ADGRD1: variants seen among roughly 807,000 people sequenced by gnomAD.
ADGRD1 encodes the protein G-protein coupled receptor 133.
In ADGRD1, 77 loss-of-function variants were observed where a neutral mutation model predicts 113.4. The observed-to-expected ratio is 0.68, with a 90% confidence interval of 0.57 to 0.82. ADGRD1 has a LOEUF of 0.82. ADGRD1 is among the 40% of genes least tolerant of loss of function. The pLI is 0.00. For missense variants in ADGRD1, 1,036 were observed against 1,139.1 expected, an observed-to-expected ratio of 0.91 and a Z score of 1.30; for synonymous variants, 474 against 475.0, an observed-to-expected ratio of 1.00 and a Z score of 0.03.
chr12:131,085,217 C>T lies in ADGRD1; in HGVS notation c.1671+554C>T, dbSNP rs187671560. Among the ~76,000 whole-genome samples the T allele has an allele frequency of 1.0e-3, 157 of 152,248 alleles. 1 individual carries two copies. Among genetic ancestry groups the T allele is most frequent in the African/African-American group, 3.6e-3 (151 of 41,538 alleles). On this transcript the variant is annotated intron_variant, in intron 15 of 24. Coordinates refer to ENST00000261654, the MANE Select transcript of ADGRD1 (RefSeq NM_198827.5). ...TGTTCACGGAGTGGTGAGGAGACAG[C>T]GGGGAGCGGGGCGTCTTCACGGAGC...
rs1870982872 is a variant in ADGRD1 at position 130,966,302 on chromosome 12, C to T, written c.104-161C>T. On this transcript the variant is annotated intron_variant, in intron 2 of 24. Coordinates refer to ENST00000261654, the MANE Select transcript of ADGRD1 (RefSeq NM_198827.5). This position sits in a 1 kb window ranked among gnomAD's most constrained non-coding sequence, Gnocchi z 4.6. Reference sequence around the variant, plus strand: ...CTAATTTAAGAGTTTCTTTTTCTAACCAAGAGTGTGTGTTGAATTTTATTA... The same window carrying T: ...CTAATTTAAGAGTTTCTTTTTCTAATCAAGAGTGTGTGTTGAATTTTATTA... Among the ~76,000 whole-genome samples the T allele has an allele frequency of 6.6e-6, 1 of 152,140 alleles. No individual in the cohort carries two copies.
intron 13 of ADGRD1, among the ~76,000 whole-genome samples, chr12:131,039,130 C>T (rs1471757780): frequency 6.6e-6 from 1 of 152,222 alleles, no homozygotes; most frequent in African/African-American, 2.4e-5. Flanking sequence ...AGCCTGTGCT[C>T]CTCCAGGCCA....
At chr12:130,955,165 A>G (rs965087934) in intron 2 of ADGRD1, among the ~76,000 whole-genome samples, 3 of 132,810 alleles carry the variant, frequency 2.3e-5, no homozygotes, top group South Asian at 2.3e-4. Flanking sequence ...GGGTTTCACT[A>G]TGTTGGCCAG....
At chr12:130,973,401 C>T (rs980052893) in intron 4 of ADGRD1, 2 of 152,264 alleles carry the variant, frequency 1.3e-5, no homozygotes, top group African/African-American at 4.8e-5. Flanking sequence ...ACAGCATGTT[C>T]CTGGCATGTG....
intron 15 of ADGRD1, among the ~76,000 whole-genome samples, chr12:131,102,786 G>C (rs1477357930): frequency 6.6e-6 from 1 of 152,190 alleles, no homozygotes; most frequent in East Asian, 1.9e-4. Context: ...TCTCAAATAT[G>C]GGAGGCCAGG....
intron 19 of ADGRD1, among the ~76,000 whole-genome samples, 184 bp downstream of exon 19, chr12:131,118,635 C>G (rs999077180): frequency 6.6e-6 from 1 of 152,206 alleles, no homozygotes; most frequent in African/African-American, 2.4e-5. Context: ...CCCAGCTGTG[C>G]TCTGGACATT....
chr12:131,036,643 GGGGCCTCACTCACTGCAC>G (rs1881452076), intron 13 of ADGRD1, among the ~76,000 whole-genome samples: 1 of 75,648 alleles, frequency 1.3e-5, no homozygotes, highest in African/African-American at 6.4e-5. Flanking sequence ...CTCACTGCAC[GGGGCCTCACTCACTGCAC>G]GGGGCCTCAC....
chr12:130,982,125 G>C, intron 5 of ADGRD1, 62 bp downstream of exon 5: 1 of 1,435,726 alleles, frequency 7.0e-7, no homozygotes, highest in South Asian at 1.2e-5. Flanking sequence ...CTCTGAGAAT[G>C]GACGCTGAGA....
intron 13 of ADGRD1, among the ~76,000 whole-genome samples, chr12:131,043,799 G>A (rs941972336): frequency 1.3e-5 from 2 of 152,236 alleles, no homozygotes; most frequent in Non-Finnish European, 2.9e-5. Flanking sequence ...ACTGGAGGGC[G>A]GGGCGCCCTG....
At chr12:131,004,152 C>A in intron 10 of ADGRD1, 34 bp from the exon 11 acceptor site, 1 of 1,367,468 alleles carries the variant, frequency 7.3e-7, no homozygotes, top group Non-Finnish European at 1.0e-6. Context: ...TGAGCTCTGA[C>A]GGGACTTCCG....
chr12:131,080,270 AG>A (rs1232511256), intron 14 of ADGRD1, among the ~76,000 whole-genome samples: 1 of 152,206 alleles, frequency 6.6e-6, no homozygotes, highest in Non-Finnish European at 1.5e-5. Flanking sequence ...AATTCCAAAT[AG>A]TTGGGAATTT....
At position 131,138,218 on chromosome 12, in the gene ADGRD1, C is replaced by T. The variant is rs1253655764; in HGVS notation, c.2518C>T (p.His840Tyr). 1.9e-6 allele frequency: 3 copies of T among 1,613,308 alleles called. No homozygotes were observed. The highest frequency in any genetic ancestry group is 2.5e-6 in the Non-Finnish European group (3 of 1,179,808). Residue 840 changes from histidine (H) to tyrosine (Y), a missense_variant, in exon 24 of 25, where the codon CAC becomes TAC. His to Tyr is a moderately conservative substitution (Grantham distance 83, BLOSUM62 2). Transcript: ENST00000261654. The stretch of plus-strand genomic sequence containing the variant: ...CCGCACCTCCAACGCGAAGCCCTTC[C>T]ACTCGGACCTCGTGAGTGCAGCCTC... The part of the protein sequence containing the change: ...SARTSNAKPF[H>Y]SDLMNGTRPG...
intron 8 of ADGRD1, among the ~76,000 whole-genome samples, chr12:130,996,200 A>G: frequency 7.3e-6 from 1 of 136,792 alleles, no homozygotes; most frequent in Non-Finnish European, 1.6e-5. Flanking sequence ...CACGGCAACC[A>G]TCTGATTTCT....
intron 13 of ADGRD1, among the ~76,000 whole-genome samples, chr12:131,039,057 G>A (rs1181764633): frequency 6.6e-6 from 1 of 152,236 alleles, no homozygotes; most frequent in Non-Finnish European, 1.5e-5. Flanking sequence ...GAGAGGCCAG[G>A]AAACTGCTGA....
intron 18 of ADGRD1, among the ~76,000 whole-genome samples, chr12:131,109,776 A>G (rs764390641): frequency 2.0e-5 from 3 of 152,156 alleles, no homozygotes; most frequent in African/African-American, 4.8e-5. Context: ...CAAGTCTTCT[A>G]TTTCATCGCT....
intron 13 of ADGRD1, among the ~76,000 whole-genome samples, chr12:131,076,173 A>C (rs754984112): frequency 5.9e-5 from 9 of 152,216 alleles, no homozygotes; most frequent in Non-Finnish European, 1.0e-4. Context: ...ACAGATATTT[A>C]GTAAGCACCT....
chr12:131,021,569 T>C (rs1725794), intron 13 of ADGRD1, among the ~76,000 whole-genome samples: 110,370 of 151,800 alleles, frequency 0.73, 40,452 homozygotes, highest in East Asian at 0.84. Flanking sequence ...ATTTTCTTGT[T>C]GTTCTAGGGG....
At chr12:131,124,115 G>T (rs1010533784) in intron 20 of ADGRD1, among the ~76,000 whole-genome samples, 1 of 152,238 alleles carries the variant, frequency 6.6e-6, no homozygotes, top group African/African-American at 2.4e-5. Context: ...GGGGAGTGCC[G>T]TGGAGGGGAG....
chr12:131,107,249 G>A, intron 17 of ADGRD1, among the ~76,000 whole-genome samples: 1 of 151,454 alleles, frequency 6.6e-6, no homozygotes, highest in Admixed American at 6.6e-5. Context: ...CTGAATCCCA[G>A]GGAAGGGCTC....
Sources: allele counts gnomAD v4.1 joint callset (sites outside exome capture counted in the v4.1 genomes callset), GRCh38; gene constraint gnomAD v4.1.1; non-coding constraint Gnocchi (gnomAD v3.1); transcripts MANE v1.5; gene names NCBI Gene and HGNC (gene_info 2026-07-23, HGNC 2026-07-21).